The following RFC1 variants were observed in gnomAD, a reference collection of about 807,000 sequenced individuals.
The protein encoded by RFC1 is replication factor C subunit 1.
Under a neutral mutation model 137.4 loss-of-function variants are expected in RFC1, and 37 were observed. The ratio of observed to expected loss-of-function variants is 0.27; its 90% CI spans 0.21 to 0.35. The LOEUF (loss-of-function observed/expected upper bound fraction) is 0.35, where lower values mean the gene tolerates loss of function less well. Among genes scored for constraint, RFC1 ranks in the 10% least tolerant of loss-of-function variants. RFC1 has a pLI of 1.00. For synonymous variants in RFC1, 429 were observed against 455.7 expected, an observed-to-expected ratio of 0.94 and a Z score of 0.75; for missense variants, 1,205 against 1,358.5, an observed-to-expected ratio of 0.89 and a Z score of 1.78.
At chr4:39,338,229 C>G (rs189476571) in intron 4 of RFC1, among the ~76,000 whole-genome samples, 1 of 152,066 alleles carries the variant, frequency 6.6e-6, no homozygotes, top group African/African-American at 2.4e-5. Flanking sequence ...TTTTAAAAAT[C>G]AATAAATCCT....
Position 39,321,351 on chromosome 4 carries a change from TC to T in RFC1, c.743del (p.Gly248GlufsTer11). Reference protein sequence around the residue: ...TKKARKDTEAGETFSSVQANL... With the variant: ...TKKARKDTEAXETFSSVQANL... ...TGGCTTGGACAGATGAAAACGTTTC[TC>T]CCGCTTCTGTGTCCTTTCGAGCCTA... On this transcript the variant is annotated frameshift_variant, in exon 8 of 25. Transcript: ENST00000349703. LOFTEE classifies it high-confidence loss of function. 1 of 1,613,898 alleles carries T rather than the reference TC, an allele frequency of 6.2e-7. No individual in the cohort carries two copies.
At chr4:39,336,689 A>G (rs1281365432) in intron 4 of RFC1, among the ~76,000 whole-genome samples, 1 of 152,256 alleles carries the variant, frequency 6.6e-6, no homozygotes, top group Admixed American at 6.5e-5. Flanking sequence ...TGACAACCAA[A>G]AATGTCTCCA....
intron 1 of RFC1, among the ~76,000 whole-genome samples, chr4:39,364,702 C>T (rs1268798665): frequency 1.3e-5 from 2 of 152,058 alleles, no homozygotes; most frequent in African/African-American, 2.4e-5. Flanking sequence ...ATGCCAGGCA[C>T]CAGAACCAGA....
Position 39,291,741 on chromosome 4 carries a change from T to C in RFC1, c.3066A>G (p.Ala1022=), listed in dbSNP as rs1269545755. 5 of 1,613,806 alleles carry C rather than the reference T, an allele frequency of 3.1e-6. No individual in the cohort carries two copies. The highest frequency in any genetic ancestry group is 4.2e-6 in the Non-Finnish European group (5 of 1,179,734). The change falls in exon 23 of 25, where the codon GCA becomes GCG. Residue 1022 remains alanine (A), a synonymous_variant. Coordinates refer to ENST00000349703, the MANE Select transcript of RFC1 (RefSeq NM_002913.5). ...TCATCAAATAATATGTGTCCATAAG[T>C]GCAACAACATCCTGTACTCCGTCTA... The part of the protein sequence containing the change: ...QGVDGVQDVV[A]LMDTYYLMKE...
At chr4:39,363,973 G>A (rs548816385) in intron 1 of RFC1, among the ~76,000 whole-genome samples, 1 of 150,632 alleles carries the variant, frequency 6.6e-6, no homozygotes, top group East Asian at 2.0e-4. Flanking sequence ...TCAATGCTTT[G>A]GGAGGCCAGG....
intron 1 of RFC1, among the ~76,000 whole-genome samples, chr4:39,360,406 G>A (rs938016736): frequency 2.0e-5 from 3 of 152,240 alleles, no homozygotes; most frequent in African/African-American, 4.8e-5. Flanking sequence ...GGGAGGCTGA[G>A]GCAAGCAAAT....
In RFC1 at chr4:39,300,028, G is replaced by C; in HGVS notation, c.2801C>G (p.Pro934Arg). Reference sequence around the variant, plus strand: ...GGAGAGCCCTCTGCTCACCTGCGCAGGCAGAAGACTCCAGTTTTGCTTACT... The same window carrying C: ...GGAGAGCCCTCTGCTCACCTGCGCACGCAGAAGACTCCAGTTTTGCTTACT... The part of the protein sequence containing the change: ...IRSKQNWSLL[P>R]AQAIYASVLP... The change falls in exon 21 of 25, where the codon CCT (proline) becomes CGT (arginine). Residue 934 changes from proline (P) to arginine (R), a missense_variant. This residue lies in a region of RFC1 where 237 missense variants were observed against 304.2 expected (regional missense o/e 0.78). Transcript: ENST00000349703. The C allele has an allele frequency of 6.2e-7, 1 of 1,607,372 alleles. No homozygotes were observed. Among genetic ancestry groups the C allele is most frequent in the Non-Finnish European group, 8.5e-7 (1 of 1,173,734 alleles).
Position 39,354,660 on chromosome 4 carries a change from A to G in RFC1, c.4-3184T>C, listed in dbSNP as rs1307708385. ...GAGCTGGGCACTGTGGTGCACACCT[A>G]CAGTCCCAGGTACCAGACAGGCTGA... On this transcript the variant is annotated intron_variant, in intron 1 of 24. Coordinates refer to ENST00000349703, the MANE Select transcript of RFC1 (RefSeq NM_002913.5). Among the ~76,000 whole-genome samples, 4 of 150,318 alleles carry G rather than the reference A, an allele frequency of 2.7e-5. No individual in the cohort carries two copies. In the East Asian group the frequency reaches 7.8e-4, roughly 29 times the overall value.
At position 39,300,136 on chromosome 4, in the gene RFC1, C is replaced by T. The variant is rs765004911; in HGVS notation, c.2693G>A (p.Gly898Asp). 4 of 1,613,592 alleles carry T rather than the reference C, an allele frequency of 2.5e-6. No individual in the cohort carries two copies. The South Asian group carries it at 4.4e-5, about 18-fold the overall frequency. ...AAGCATCAGGTGCTTTTTCATGTCA[C>T]CCCTGCAGGAAAGAACCAGTCTGGA... ...YIHVKPVAAG[G>D]DMKKHLMLLS... is the part of the protein sequence containing the mutation. Residue 898 changes from glycine (G) to aspartate (D), a missense_variant and splice_region_variant, in exon 21 of 25, where the codon GGT (glycine) becomes GAT (aspartate). By Grantham distance (94) the Gly-to-Asp change is moderately conservative. This residue lies in a region of RFC1 where 237 missense variants were observed against 304.2 expected (regional missense o/e 0.78). Coordinates refer to ENST00000349703, the MANE Select transcript of RFC1 (RefSeq NM_002913.5).
Position 39,304,920 on chromosome 4 carries a change from T to C in RFC1, c.2004A>G (p.Gly668=). The C allele has an allele frequency of 6.2e-7, 1 of 1,600,516 alleles. No homozygotes were observed. Among genetic ancestry groups the C allele is most frequent in the Non-Finnish European group, 8.6e-7 (1 of 1,167,860 alleles). The change falls in exon 15 of 25, where the codon GGA becomes GGG. Residue 668 remains glycine (G), a synonymous_variant. Coordinates refer to ENST00000349703, the MANE Select transcript of RFC1 (RefSeq NM_002913.5). ...TTASLVCQEL[G]YSYVELNASD... is the part of the protein sequence containing the mutation. ...TTGCATTCAGTTCCACGTAGCTGTA[T>C]CCCAACTCCTAATCAAAATATTGGA...
At position 39,351,470 on chromosome 4, in the gene RFC1, G is replaced by A. The variant is rs768465738; in HGVS notation, c.10C>T (p.Arg4Trp). 3.9e-6 allele frequency: 6 copies of A among 1,547,812 alleles called. No homozygotes were observed. The highest frequency in any genetic ancestry group is 1.2e-5 in the South Asian group (1 of 81,112). Residue 4 changes from arginine (R) to tryptophan (W), a missense_variant, in exon 2 of 25, where the codon CGG becomes TGG. Transcript: ENST00000349703. MDI[R>W]KFFGVIPSGK... is the part of the protein sequence containing the mutation. Reference sequence around the variant, plus strand: ...CTTGGTATTACTCCAAAGAATTTCCGAATGTCCTAAAAGCAAAAAACAGGA... The same window carrying A: ...CTTGGTATTACTCCAAAGAATTTCCAAATGTCCTAAAAGCAAAAAACAGGA...
intron 1 of RFC1, among the ~76,000 whole-genome samples, chr4:39,355,303 T>C (rs1252977741): frequency 6.7e-6 from 1 of 149,910 alleles, no homozygotes; most frequent in Admixed American, 6.6e-5. Flanking sequence ...GACACATGCC[T>C]GCATGCCTGT....
chr4:39,359,049 T>C (rs191213530), intron 1 of RFC1, among the ~76,000 whole-genome samples: 107 of 152,268 alleles, frequency 7.0e-4, no homozygotes, highest in African/African-American at 2.3e-3. Context: ...TGGGACCTGC[T>C]TCTCTCCCTT....
In RFC1 at chr4:39,358,656, A is replaced by G. The variant is rs141899384; in HGVS notation, c.4-7180T>C. Among the ~76,000 whole-genome samples the G allele has an allele frequency of 8.6e-3, 1,303 of 152,322 alleles. 19 individuals carry two copies. Among genetic ancestry groups the G allele is most frequent in the African/African-American group, 0.028 (1,179 of 41,570 alleles). ...GCCAAAATGTGTGCCAAGGAAACAA[A>G]GCAGGTGCTCTCCCACTAATCATGC... is the stretch of plus-strand genomic sequence containing the variant. On this transcript the variant is annotated intron_variant, in intron 1 of 24. Coordinates refer to ENST00000349703, the MANE Select transcript of RFC1 (RefSeq NM_002913.5).
At chr4:39,309,944 C>T (rs1373190706) in intron 12 of RFC1, among the ~76,000 whole-genome samples, 5 of 152,106 alleles carry the variant, frequency 3.3e-5, no homozygotes, top group African/African-American at 4.8e-5. Context: ...AGACAGTTAT[C>T]GATTACAAAG....
At chr4:39,288,958 A>C (rs1291386997) in intron 24 of RFC1, 114 bp from the exon 25 acceptor site, 1 of 750,350 alleles carries the variant, frequency 1.3e-6, no homozygotes, top group Non-Finnish European at 2.2e-6. Context: ...AAAAGAAGAG[A>C]GGCTGCAAAC....
intron 7 of RFC1, among the ~76,000 whole-genome samples, chr4:39,322,778 CAAA>C (rs768012107): frequency 8.9e-6 from 1 of 112,270 alleles, no homozygotes; most frequent in Non-Finnish European, 1.9e-5. Context: ...GACCTTGTCT[CAAA>C]AAAAAAAAAA....
intron 13 of RFC1, 78 bp downstream of exon 13, chr4:39,308,558 A>G (rs1340820185): frequency 5.3e-6 from 8 of 1,516,048 alleles, no homozygotes; most frequent in Non-Finnish European, 7.1e-6. Flanking sequence ...GAATCGTTAG[A>G]TTTTCTCATA....
At chr4:39,351,264 A>G (rs1741183188) in intron 2 of RFC1, 84 bp downstream of exon 2, 13 of 177,742 alleles carry the variant, frequency 7.3e-5, no homozygotes, top group Non-Finnish European at 9.3e-5. Flanking sequence ...AAAAAAAAAA[A>G]AAAAAAAAAA....
Sources: allele counts gnomAD v4.1 joint callset (sites outside exome capture counted in the v4.1 genomes callset), GRCh38; gene constraint gnomAD v4.1.1; regional missense constraint gnomAD v4.1.1; transcripts MANE v1.5; gene names NCBI Gene and HGNC (gene_info 2026-07-23, HGNC 2026-07-21).